BCL9: variants seen among roughly 807,000 people sequenced by gnomAD.
BCL9 encodes B-cell CLL/lymphoma 9 protein.
In BCL9, 25 loss-of-function variants were observed where a neutral mutation model predicts 88.5. The ratio of observed to expected loss-of-function variants is 0.28; its 90% CI spans 0.21 to 0.39. BCL9 has a LOEUF of 0.39. BCL9 is among the 10% of genes least tolerant of loss of function. The pLI, the probability that BCL9 is intolerant of heterozygous loss-of-function variation, is 1.00. For synonymous variants in BCL9, 711 were observed against 673.3 expected (o/e 1.06, Z -0.87); for missense variants, 1,817 against 1,877.8 (o/e 0.97, Z 0.60).
intron 1 of BCL9, among the ~76,000 whole-genome samples, chr1:147,557,799 T>G (rs1205261629): frequency 3.3e-5 from 5 of 152,244 alleles, no homozygotes; most frequent in African/African-American, 4.8e-5. Flanking sequence ...ATTGGAAATC[T>G]GTAGGCTTCT....
intron 9 of BCL9, among the ~76,000 whole-genome samples, chr1:147,623,098 G>A (rs901734094): frequency 1.1e-4 from 16 of 151,748 alleles, no homozygotes; most frequent in African/African-American, 3.9e-4. Flanking sequence ...TCAGGATGGT[G>A]AAAGCAATCA....
chr1:147,600,481 G>A (rs1657328298), intron 1 of BCL9: 1 of 151,702 alleles, frequency 6.6e-6, no homozygotes, highest in Admixed American at 6.6e-5. Context: ...GCAGAAAAGG[G>A]GCGGGGGCCA....
intron 9 of BCL9, among the ~76,000 whole-genome samples, chr1:147,623,087 A>C (rs1234936179): frequency 1.3e-5 from 2 of 151,922 alleles, no homozygotes; most frequent in Admixed American, 6.6e-5. Flanking sequence ...ACAGAAAATG[A>C]TCAGGATGGT....
In BCL9 at chr1:147,620,564, A is replaced by G; in HGVS notation, c.2409A>G (p.Pro803=). Residue 803 remains proline (P), a synonymous_variant, in exon 8 of 10, where the codon CCA becomes CCG. Transcript: ENST00000234739. Reference sequence around the variant, plus strand: ...GTGGCTTGCGGAATCTCAGAGAACCAATTGGGCCCGACCAGAGGACTAACA... The same window carrying G: ...GTGGCTTGCGGAATCTCAGAGAACCGATTGGGCCCGACCAGAGGACTAACA... ...SNSGLRNLRE[P]IGPDQRTNSR... 6.2e-7 allele frequency: 1 copy of G among 1,613,770 alleles called. No homozygotes were observed. Among genetic ancestry groups the G allele is most frequent in the Non-Finnish European group, 8.5e-7 (1 of 1,179,882 alleles).
intron 1 of BCL9, among the ~76,000 whole-genome samples, chr1:147,603,337 G>T (rs1553201579): frequency 6.6e-6 from 1 of 152,206 alleles, no homozygotes; most frequent in Non-Finnish European, 1.5e-5. Flanking sequence ...GATAGATGCT[G>T]CTGAGTACTA....
intron 5 of BCL9, 23 bp downstream of exon 5, chr1:147,613,222 A>G (rs782606541): frequency 6.2e-7 from 1 of 1,612,698 alleles, no homozygotes; most frequent in South Asian, 1.1e-5. Context: ...GATCTTTGAG[A>G]CTCAGAGGGA....
At chr1:147,566,628 C>T (rs1030412136) in intron 1 of BCL9, among the ~76,000 whole-genome samples, 7 of 151,822 alleles carry the variant, frequency 4.6e-5, no homozygotes, top group Non-Finnish European at 5.9e-5. Flanking sequence ...TGGTGGCGGG[C>T]GCCTGTAGTC....
chr1:147,561,735 C>T (rs1553196126), intron 1 of BCL9, among the ~76,000 whole-genome samples: 2 of 152,166 alleles, frequency 1.3e-5, no homozygotes, highest in East Asian at 3.9e-4. Flanking sequence ...GACATGTACA[C>T]AGATAACTGT....
intron 1 of BCL9, among the ~76,000 whole-genome samples, chr1:147,601,974 C>G (rs782777067): frequency 4.6e-5 from 7 of 152,188 alleles, no homozygotes; most frequent in Non-Finnish European, 7.3e-5. Context: ...AATATCGGCT[C>G]ACTGCAACCT....
intron 1 of BCL9, among the ~76,000 whole-genome samples, chr1:147,553,302 C>G (rs185284732): frequency 2.0e-5 from 3 of 152,162 alleles, no homozygotes; most frequent in Non-Finnish European, 2.9e-5. Context: ...CTTAGCTTCT[C>G]TTTTCCCAAA....
At chr1:147,558,722 T>C (rs1050067477) in intron 1 of BCL9, among the ~76,000 whole-genome samples, 1 of 152,158 alleles carries the variant, frequency 6.6e-6, no homozygotes, top group East Asian at 1.9e-4. Context: ...GAGTTCCTTA[T>C]AGGACATGAT....
At chr1:147,568,388 G>A (rs781926474) in intron 1 of BCL9, among the ~76,000 whole-genome samples, 2 of 151,508 alleles carry the variant, frequency 1.3e-5, no homozygotes, top group African/African-American at 2.4e-5. Flanking sequence ...GAATCACAGT[G>A]TATTCTAACT....
intron 1 of BCL9, chr1:147,600,201 C>T: frequency 6.2e-6 from 1 of 161,944 alleles, no homozygotes; most frequent in Non-Finnish European, 1.3e-5. Flanking sequence ...GCCGCCGCCG[C>T]CGCTGCCGCC....
At chr1:147,609,254 C>T (rs1657883805) in intron 3 of BCL9, among the ~76,000 whole-genome samples, 1 of 152,134 alleles carries the variant, frequency 6.6e-6, no homozygotes, top group Non-Finnish European at 1.5e-5. Context: ...TAATTTTATT[C>T]TTTGGAACTA....
At chr1:147,560,531 C>G (rs951176619) in intron 1 of BCL9, among the ~76,000 whole-genome samples, 3 of 151,024 alleles carry the variant, frequency 2.0e-5, no homozygotes, top group Non-Finnish European at 2.9e-5. Context: ...CGCTTGAACC[C>G]GAGAGGCGGA....
intron 1 of BCL9, among the ~76,000 whole-genome samples, chr1:147,563,910 G>A (rs1240927196): frequency 6.6e-6 from 1 of 152,204 alleles, no homozygotes; most frequent in Non-Finnish European, 1.5e-5. Flanking sequence ...CAATGTTGCA[G>A]TTGAGGAAAT....
chr1:147,624,387 TC>T lies in BCL9; in HGVS notation c.3712del (p.Arg1238AlafsTer39). On this transcript the variant is annotated frameshift_variant, in exon 10 of 10. Transcript: ENST00000234739. LOFTEE classifies it high-confidence loss of function. The surrounding 1 kb of genome is among the most constrained non-coding windows in gnomAD (Gnocchi z 4.4). Reference sequence around the variant, plus strand: ...CACCGGAATACCTGAGTTTGATCTATCCCGCATTATTCCATCTGAGAAGCCC... The same window carrying T: ...CACCGGAATACCTGAGTTTGATCTATCCGCATTATTCCATCTGAGAAGCCC... ...GATGIPEFDL[S>X]RIIPSEKPSQ... 6.2e-7 allele frequency: 1 copy of T among 1,614,192 alleles called. No homozygotes were observed. The highest frequency in any genetic ancestry group is 8.5e-7 in the Non-Finnish European group (1 of 1,180,024).
At chr1:147,615,378 C>T (rs1658225998) in intron 6 of BCL9, among the ~76,000 whole-genome samples, 1 of 151,642 alleles carries the variant, frequency 6.6e-6, no homozygotes, top group Admixed American at 6.6e-5. Context: ...GTGATTATAC[C>T]CTACATATAT....
chr1:147,557,272 A>G (rs1463014503), intron 1 of BCL9, among the ~76,000 whole-genome samples: 1 of 152,224 alleles, frequency 6.6e-6, no homozygotes, highest in Non-Finnish European at 1.5e-5. Context: ...TTCTTATGTG[A>G]GGAAAAAAAT....
Sources: gnomAD v4.1 joint callset for allele counts (sites outside exome capture counted in the v4.1 genomes callset) on GRCh38, gnomAD v4.1.1 for gene constraint, Gnocchi (gnomAD v3.1) non-coding constraint, MANE v1.5 for transcripts, NCBI Gene and HGNC (gene_info 2026-07-23, HGNC 2026-07-21) for gene names.